ASL: variants seen among roughly 807,000 people sequenced by gnomAD.
ASL encodes argininosuccinate lyase.
A neutral mutation model predicts 69.1 loss-of-function variants in ASL; 51 were observed. That is an observed-to-expected ratio of 0.74 (90% confidence interval 0.59 to 0.93). The LOEUF (loss-of-function observed/expected upper bound fraction) is 0.93, where lower values mean the gene tolerates loss of function less well. ASL is among the 40% of genes least tolerant of loss of function. The pLI, the probability that ASL is intolerant of heterozygous loss-of-function variation, is 0.00. For synonymous variants in ASL, 241 were observed against 247.6 expected, an observed-to-expected ratio of 0.97 and a Z score of 0.25; for missense variants, 540 against 623.9, an observed-to-expected ratio of 0.87 and a Z score of 1.43.
chr7:66,089,435 C>A, intron 13 of ASL, 100 bp downstream of exon 13: 1 of 1,486,854 alleles, frequency 6.7e-7, no homozygotes, highest in Non-Finnish European at 9.2e-7. Context: ...ATCCTCCCAT[C>A]CTGTGCACAC....
intron 2 of ASL, among the ~76,000 whole-genome samples, chr7:66,079,395 G>T (rs1786439153): frequency 6.6e-6 from 1 of 152,042 alleles, no homozygotes; most frequent in Admixed American, 6.6e-5. Flanking sequence ...GGGCACTAGG[G>T]CTGCTCCCCA....
intron 6 of ASL, 68 bp downstream of exon 6, chr7:66,083,242 G>T: frequency 6.4e-7 from 1 of 1,551,052 alleles, no homozygotes. Flanking sequence ...GAGACCTAGG[G>T]GGCAGGGGTG....
chr7:66,092,481 A>AG (rs1786876153), intron 15 of ASL, 76 bp from the exon 16 acceptor site: 2 of 1,277,020 alleles, frequency 1.6e-6, no homozygotes, highest in Non-Finnish European at 2.2e-6. Context: ...AAAAAAAGGA[A>AG]GGGGGTGCAG....
intron 6 of ASL, among the ~76,000 whole-genome samples, chr7:66,085,473 A>C (rs1786632960): frequency 6.8e-6 from 1 of 146,194 alleles, no homozygotes; most frequent in South Asian, 2.3e-4. Context: ...ACTCTTTCTC[A>C]AAAACAACAA....
chr7:66,086,539 C>A (rs763339571), intron 6 of ASL, 46 bp from the exon 7 acceptor site: 1 of 1,602,530 alleles, frequency 6.2e-7, no homozygotes, highest in Non-Finnish European at 8.5e-7. Flanking sequence ...CACAGGCAGG[C>A]CTTGCATGAG....
In ASL at chr7:66,080,061, G is replaced by A. The variant is rs186005333; in HGVS notation, c.13-1742G>A. Reference sequence around the variant, plus strand: ...GATGGTGCCACCGCACTCCAACCTGGGTAACAAAGTGAGACCCTGTGTCTA... The same window carrying A: ...GATGGTGCCACCGCACTCCAACCTGAGTAACAAAGTGAGACCCTGTGTCTA... On this transcript the variant is annotated intron_variant, in intron 2 of 16. Transcript: ENST00000304874. 2.9e-4 allele frequency among the ~76,000 whole-genome samples: 44 copies of A among 152,050 alleles called. No homozygotes were observed. In the East Asian group the frequency reaches 6.6e-3, roughly 23 times the overall value.
intron 9 of ASL, 143 bp from the exon 10 acceptor site, chr7:66,087,586 C>T: frequency 1.0e-6 from 1 of 994,976 alleles, no homozygotes; most frequent in Non-Finnish European, 1.5e-6. Flanking sequence ...GGGCTCCTGC[C>T]TCCCTCCTGG....
chr7:66,081,970 G>A lies in ASL; in HGVS notation c.180G>A (p.Met60Ile). 6.2e-7 allele frequency: 1 copy of A among 1,612,038 alleles called. No individual in the cohort carries two copies. Among genetic ancestry groups the A allele is most frequent in the Non-Finnish European group, 8.5e-7 (1 of 1,179,318 alleles). ...CAGGGCTCCTCACCAAGGCCGAGATGGACCAGATACTCCATGGCCTAGACA... is the reference window on the plus strand; with the variant it reads ...CAGGGCTCCTCACCAAGGCCGAGATAGACCAGATACTCCATGGCCTAGACA... Reference protein sequence around the residue: ...EKAGLLTKAEMDQILHGLDKV... With the variant: ...EKAGLLTKAEIDQILHGLDKV... The change falls in exon 3 of 17, where the codon ATG (methionine) becomes ATA (isoleucine). Residue 60 changes from methionine (M) to isoleucine (I), a missense_variant. Transcript: ENST00000304874.
chr7:66,084,334 AT>A (rs1322143017), intron 6 of ASL, among the ~76,000 whole-genome samples: 1 of 149,900 alleles, frequency 6.7e-6, no homozygotes, highest in East Asian at 2.0e-4. Context: ...TAATTTTTGT[AT>A]TTTTTTCAGT....
intron 6 of ASL, among the ~76,000 whole-genome samples, chr7:66,084,132 T>C (rs1242249498): frequency 1.3e-5 from 2 of 151,842 alleles, no homozygotes; most frequent in African/African-American, 2.4e-5. Flanking sequence ...GTTCAGGGTT[T>C]CTTTAATTTT....
chr7:66,079,148 ACCTCGTGAT>A (rs1331970567), intron 2 of ASL, among the ~76,000 whole-genome samples: 1 of 151,860 alleles, frequency 6.6e-6, no homozygotes, highest in Non-Finnish European at 1.5e-5. Flanking sequence ...CCATCTCCTG[ACCTCGTGAT>A]CTGCCCACCT....
chr7:66,083,340 T>A (rs1786566548), intron 6 of ASL, 166 bp downstream of exon 6: 2 of 675,128 alleles, frequency 3.0e-6, no homozygotes. Flanking sequence ...GGCCATTTCC[T>A]GCAGGCCCCA....
chr7:66,078,629 A>C (rs1002651426), intron 2 of ASL, among the ~76,000 whole-genome samples: 1 of 151,306 alleles, frequency 6.6e-6, no homozygotes, highest in East Asian at 1.9e-4. Context: ...TCCTTATCTT[A>C]TTATTATTAT....
chr7:66,078,792 G>A (rs142987470), intron 2 of ASL, among the ~76,000 whole-genome samples: 3 of 151,362 alleles, frequency 2.0e-5, no homozygotes, highest in Non-Finnish European at 2.9e-5. Flanking sequence ...CTGCCACCGC[G>A]CCTGGCTAAT....
chr7:66,082,090 T>C (rs1584021516), intron 3 of ASL, 93 bp downstream of exon 3: 1 of 1,463,574 alleles, frequency 6.8e-7, no homozygotes, highest in East Asian at 2.5e-5. Context: ...GTGTTGCCCA[T>C]CTGTGGTTTC....
chr7:66,089,845 G>A, intron 14 of ASL, 150 bp downstream of exon 14: 3 of 878,802 alleles, frequency 3.4e-6, no homozygotes, highest in Non-Finnish European at 5.5e-6. Flanking sequence ...CTGGGGAACA[G>A]GGAAAGGACA....
chr7:66,089,206 C>G, intron 12 of ASL, 31 bp downstream of exon 12: 1 of 1,612,966 alleles, frequency 6.2e-7, no homozygotes, highest in Non-Finnish European at 8.5e-7. Context: ...GGCGGGGCCT[C>G]TGGGCTGATG....
chr7:66,076,547 G>A (rs557510789), intron 2 of ASL, among the ~76,000 whole-genome samples: 1 of 152,282 alleles, frequency 6.6e-6, no homozygotes, highest in East Asian at 1.9e-4. Context: ...CCTTGACTGT[G>A]GCATGTGGAA....
Position 66,086,573 on chromosome 7 carries a change from C to T in ASL, c.447-12C>T. On this transcript the variant is annotated splice_polypyrimidine_tract_variant and intron_variant, in intron 6 of 16. Transcript: ENST00000304874. ...AGCCTCCACCCGAGCTTCTGCTCCTCCTCTCCCACAGGGAACGTGATGTTC... is the reference window on the plus strand; with the variant it reads ...AGCCTCCACCCGAGCTTCTGCTCCTTCTCTCCCACAGGGAACGTGATGTTC... 1 of 1,613,276 alleles carries T rather than the reference C, an allele frequency of 6.2e-7. No homozygotes were observed. Among genetic ancestry groups the T allele is most frequent in the East Asian group, 2.2e-5 (1 of 44,876 alleles).
Sources: gnomAD v4.1 joint callset for allele counts (sites outside exome capture counted in the v4.1 genomes callset) on GRCh38, gnomAD v4.1.1 for gene constraint, MANE v1.5 for transcripts, NCBI Gene and HGNC (gene_info 2026-07-23, HGNC 2026-07-21) for gene names.